Variants in KIAA1328 observed in about 807,000 individuals in gnomAD.
The protein encoded by KIAA1328 is KIAA1328, also known as protein hinderin.
In KIAA1328, 52 loss-of-function variants were observed where a neutral mutation model predicts 68.1. The observed-to-expected ratio is 0.76, with a 90% CI of 0.61 to 0.96. KIAA1328 has a LOEUF of 0.96. Ranked by LOEUF, KIAA1328 falls within the 40% of genes least tolerant of loss-of-function variation. The pLI, the probability that KIAA1328 is intolerant of heterozygous loss-of-function variation, is 0.00. For missense variants in KIAA1328, 641 were observed against 677.6 expected (o/e 0.95, Z 0.60); for synonymous variants, 232 against 239.4 (o/e 0.97, Z 0.28).
At chr18:36,903,900 A>G (rs1889732116) in intron 5 of KIAA1328, among the ~76,000 whole-genome samples, 1 of 152,134 alleles carries the variant, frequency 6.6e-6, no homozygotes, top group Non-Finnish European at 1.5e-5. Context: ...CACCAACAAT[A>G]TGGGGAGCTT....
Position 37,067,035 on chromosome 18 carries a change from C to T in KIAA1328, c.722C>T (p.Ala241Val). The T allele has an allele frequency of 6.2e-7, 1 of 1,613,924 alleles. No homozygotes were observed. Among genetic ancestry groups the T allele is most frequent in the South Asian group, 1.1e-5 (1 of 91,064 alleles). ...GATTCAGCTTCAGAATCCCTTATAGCATTTAGGAATAATTCTTTGAAACCA... is the reference window on the plus strand; with the variant it reads ...GATTCAGCTTCAGAATCCCTTATAGTATTTAGGAATAATTCTTTGAAACCA... The part of the protein sequence containing the change: ...VQDSASESLI[A>V]FRNNSLKPVT... Residue 241 changes from alanine (A) to valine (V), a missense_variant, in exon 7 of 10, where the codon GCA becomes GTA. Coordinates refer to ENST00000280020, the MANE Select transcript of KIAA1328 (RefSeq NM_020776.3).
chr18:37,087,470 T>C (rs970497476), intron 7 of KIAA1328, among the ~76,000 whole-genome samples: 3 of 152,212 alleles, frequency 2.0e-5, no homozygotes, highest in Non-Finnish European at 4.4e-5. Flanking sequence ...TCTGAGAATA[T>C]TCGTAATAAT....
At chr18:36,942,200 AGG>A (rs1458713032) in intron 5 of KIAA1328, among the ~76,000 whole-genome samples, 1 of 152,214 alleles carries the variant, frequency 6.6e-6, no homozygotes, top group African/African-American at 2.4e-5. Context: ...TTAAGATGTG[AGG>A]CCTGTTGGCG....
chr18:37,120,024 G>T (rs534358643), intron 7 of KIAA1328, among the ~76,000 whole-genome samples: 59 of 152,138 alleles, frequency 3.9e-4, no homozygotes, highest in Non-Finnish European at 7.1e-4. Context: ...GACTTCAGGG[G>T]AAACTGGATG....
chr18:36,926,371 A>G (rs1052853938), intron 5 of KIAA1328, among the ~76,000 whole-genome samples: 2 of 141,516 alleles, frequency 1.4e-5, no homozygotes, highest in Non-Finnish European at 1.5e-5. Context: ...TTCTTTCTCT[A>G]TCTCTCTCTC....
At chr18:36,856,514 T>G (rs1435169090) in intron 4 of KIAA1328, among the ~76,000 whole-genome samples, 3 of 152,174 alleles carry the variant, frequency 2.0e-5, no homozygotes, top group Non-Finnish European at 4.4e-5. Flanking sequence ...AATTTCTAGT[T>G]GGTTCCTTTT....
chr18:36,934,807 A>G (rs2050442182), intron 5 of KIAA1328, among the ~76,000 whole-genome samples: 1 of 152,238 alleles, frequency 6.6e-6, no homozygotes, highest in Admixed American at 6.5e-5. Flanking sequence ...GACAAAGACA[A>G]AGCTTGGAGA....
At chr18:37,221,015 CAG>C (rs955894413) in intron 9 of KIAA1328, among the ~76,000 whole-genome samples, 7 of 152,088 alleles carry the variant, frequency 4.6e-5, no homozygotes, top group African/African-American at 1.7e-4. Context: ...TTAGTAGAGA[CAG>C]AGTTTCACCA....
intron 4 of KIAA1328, among the ~76,000 whole-genome samples, chr18:36,869,813 A>G (rs533915130): frequency 3.0e-4 from 45 of 152,300 alleles, no homozygotes; most frequent in African/African-American, 9.9e-4. Context: ...GCTTGAATTT[A>G]GGACATTTGA....
intron 7 of KIAA1328, among the ~76,000 whole-genome samples, chr18:37,117,444 A>G (rs1472512053): frequency 6.6e-6 from 1 of 152,210 alleles, no homozygotes; most frequent in African/African-American, 2.4e-5. Context: ...TTGAACAATG[A>G]GAACACTTGG....
intron 4 of KIAA1328, among the ~76,000 whole-genome samples, chr18:36,845,295 G>C (rs2046990362): frequency 6.6e-6 from 1 of 151,638 alleles, no homozygotes; most frequent in African/African-American, 2.4e-5. Flanking sequence ...ATTAATTTCA[G>C]TGTTCTTTTA....
chr18:37,221,142 T>C (rs1361897596), intron 9 of KIAA1328, among the ~76,000 whole-genome samples: 2 of 152,164 alleles, frequency 1.3e-5, no homozygotes, highest in Non-Finnish European at 2.9e-5. Flanking sequence ...AATGTTTTTT[T>C]ACCTCTAAGC....
intron 5 of KIAA1328, among the ~76,000 whole-genome samples, chr18:36,908,786 A>G (rs1225083187): frequency 6.6e-6 from 1 of 152,156 alleles, no homozygotes; most frequent in African/African-American, 2.4e-5. Flanking sequence ...TATTATTTGT[A>G]TACAAACATA....
chr18:37,111,145 T>C (rs1455542967), intron 7 of KIAA1328, among the ~76,000 whole-genome samples: 2 of 152,184 alleles, frequency 1.3e-5, no homozygotes, highest in Non-Finnish European at 2.9e-5. Context: ...TTATAAGATA[T>C]ATTGCAAGGA....
At chr18:36,894,350 T>C (rs142553377) in intron 5 of KIAA1328, among the ~76,000 whole-genome samples, 194 of 152,294 alleles carry the variant, frequency 1.3e-3, no homozygotes, top group African/African-American at 4.4e-3. Flanking sequence ...AATTTTCTTA[T>C]ATTTTGACAT....
At chr18:36,874,761 C>T (rs1010756274) in intron 4 of KIAA1328, among the ~76,000 whole-genome samples, 13 of 152,110 alleles carry the variant, frequency 8.5e-5, no homozygotes, top group Non-Finnish European at 2.9e-5. Context: ...TTTGCCCATG[C>T]GTATGTCCTG....
intron 5 of KIAA1328, among the ~76,000 whole-genome samples, chr18:36,928,882 G>C (rs1568176306): frequency 6.6e-6 from 1 of 152,140 alleles, no homozygotes; most frequent in Non-Finnish European, 1.5e-5. Context: ...CCACAGATCT[G>C]TGATAGTCTG....
At chr18:36,859,830 T>G (rs530198555) in intron 4 of KIAA1328, among the ~76,000 whole-genome samples, 1 of 149,868 alleles carries the variant, frequency 6.7e-6, no homozygotes, top group South Asian at 2.1e-4. Flanking sequence ...ATTTATTCTA[T>G]CTTTACTGTC....
intron 7 of KIAA1328, among the ~76,000 whole-genome samples, chr18:37,156,007 C>T (rs150088442): frequency 1.1e-3 from 161 of 152,276 alleles, no homozygotes; most frequent in African/African-American, 3.8e-3. Context: ...CTTGCCCTTG[C>T]ACTCTCATAA....
Sources: allele counts gnomAD v4.1 joint callset (sites outside exome capture counted in the v4.1 genomes callset), GRCh38; gene constraint gnomAD v4.1.1; transcripts MANE v1.5; gene names NCBI Gene and HGNC (gene_info 2026-07-23, HGNC 2026-07-21).